The following ZFHX3 variants were observed in gnomAD, a reference collection of about 807,000 sequenced individuals.
ZFHX3 encodes zinc finger homeobox protein 3.
ZFHX3 carries 42 observed loss-of-function variants against 279.1 expected under a neutral mutation model. The observed-to-expected ratio is 0.15, with a 90% CI of 0.12 to 0.19. The LOEUF (loss-of-function observed/expected upper bound fraction) is 0.19. Among genes scored for constraint, ZFHX3 ranks in the 10% least tolerant of loss-of-function variants. ZFHX3 has a pLI of 1.00. For missense variants in ZFHX3, 4,981 were observed against 4,754.0 expected (o/e 1.05, Z -1.40); for synonymous variants, 2,293 against 1,957.8 (o/e 1.17, Z -4.52).
chr16:73,551,261 C>T lies in ZFHX3; in HGVS notation c.-1546-95003G>A, dbSNP rs76663586. Reference sequence around the variant, plus strand: ...AAATGCGAGGGGGTTTTCAAGTGGCCCCCACACTCAAAAACTCAGTTCAAC... The same window carrying T: ...AAATGCGAGGGGGTTTTCAAGTGGCTCCCACACTCAAAAACTCAGTTCAAC... On this transcript the variant is annotated intron_variant, in intron 2 of 17. Coordinates refer to the ZFHX3 transcript ENST00000641206. Among the ~76,000 whole-genome samples the T allele has an allele frequency of 7.0e-4, 107 of 151,886 alleles. 1 individual carries two copies. The highest frequency in any genetic ancestry group is 4.8e-3 in the South Asian group (23 of 4,800).
intron 4 of ZFHX3, among the ~76,000 whole-genome samples, chr16:72,869,891 G>A (rs547348136): frequency 2.6e-5 from 4 of 152,274 alleles, no homozygotes; most frequent in East Asian, 3.9e-4. Context: ...GCTGATGCCC[G>A]CAATCAAGAG....
At chr16:73,414,986 C>A (rs2017543456) in intron 3 of ZFHX3, among the ~76,000 whole-genome samples, 1 of 152,184 alleles carries the variant, frequency 6.6e-6, no homozygotes, top group Non-Finnish European at 1.5e-5. Flanking sequence ...TTTTCCTCAT[C>A]TCTGGATTCT....
intron 2 of ZFHX3, among the ~76,000 whole-genome samples, chr16:73,614,999 A>G (rs2052285293): frequency 6.6e-6 from 1 of 152,032 alleles, no homozygotes; most frequent in Admixed American, 6.6e-5. Context: ...GGCTCAAGCA[A>G]TGCACCCACG....
chr16:73,741,453 A>G (rs1237111983), intron 1 of ZFHX3, among the ~76,000 whole-genome samples: 1 of 152,134 alleles, frequency 6.6e-6, no homozygotes, highest in Non-Finnish European at 1.5e-5. Context: ...AACAGTCTCC[A>G]TAGTTTCCTC....
At chr16:73,580,490 C>T (rs376823557) in intron 2 of ZFHX3, among the ~76,000 whole-genome samples, 1,001 of 87,300 alleles carry the variant, frequency 0.011, 40 homozygotes, top group African/African-American at 0.03. Flanking sequence ...AAAACAAAAA[C>T]AAAAACAAAC....
At chr16:73,759,990 A>G (rs1353813122) in intron 1 of ZFHX3, among the ~76,000 whole-genome samples, 2 of 148,898 alleles carry the variant, frequency 1.3e-5, no homozygotes, top group Non-Finnish European at 3.0e-5. Flanking sequence ...TCTTCAAAAC[A>G]TCAATGAATC....
At chr16:72,970,525 C>T (rs1309771930) in intron 1 of ZFHX3, among the ~76,000 whole-genome samples, 5 of 152,128 alleles carry the variant, frequency 3.3e-5, no homozygotes, top group Non-Finnish European at 7.4e-5. Context: ...GAGCACGGAT[C>T]CCCTCCCGGA....
Position 72,787,220 on chromosome 16 carries a change from TG to T in ZFHX3, c.11055del (p.Ser3686AlafsTer8). On this transcript the variant is annotated frameshift_variant, in exon 10 of 10. Coordinates refer to ENST00000268489, the MANE Select transcript of ZFHX3 (RefSeq NM_006885.4). LOFTEE classifies it high-confidence loss of function. Reference protein sequence around the residue: ...PASPVEGPKDPSCPKDSGLTS... With the variant: ...PASPVEGPKDXSCPKDSGLTS... ...GTCAGACCACTGTCCTTGGGGCAGC[TG>T]GGGTCTTTGGGACCCTCCACCGGGC... The T allele has an allele frequency of 6.2e-7, 1 of 1,614,034 alleles. No homozygotes were observed. The highest frequency in any genetic ancestry group is 8.5e-7 in the Non-Finnish European group (1 of 1,179,974).
At chr16:73,247,545 C>T (rs1460000675) in intron 5 of ZFHX3, among the ~76,000 whole-genome samples, 1 of 146,562 alleles carries the variant, frequency 6.8e-6, no homozygotes, top group Non-Finnish European at 1.5e-5. Context: ...GTGTCTGTGT[C>T]TATGTGCCTG....
intron 1 of ZFHX3, among the ~76,000 whole-genome samples, chr16:72,976,327 C>T (rs1962344927): frequency 6.6e-6 from 1 of 152,162 alleles, no homozygotes; most frequent in African/African-American, 2.4e-5. Flanking sequence ...TTCGGGGAAT[C>T]AAATCTGGAT....
chr16:73,591,361 A>AAAAC (rs564553376), intron 2 of ZFHX3, among the ~76,000 whole-genome samples: 18 of 151,280 alleles, frequency 1.2e-4, no homozygotes, highest in African/African-American at 3.2e-4. Flanking sequence ...TCAAAAACAA[A>AAAAC]AAACAAACAA....
chr16:73,333,932 T>C (rs1368986229), intron 3 of ZFHX3, among the ~76,000 whole-genome samples: 1 of 151,092 alleles, frequency 6.6e-6, no homozygotes, highest in Non-Finnish European at 1.5e-5. Flanking sequence ...CTGCTGCCAA[T>C]GCAGGTGGAA....
intron 1 of ZFHX3, among the ~76,000 whole-genome samples, chr16:73,818,161 G>C (rs746306973): frequency 2.0e-5 from 3 of 152,162 alleles, no homozygotes; most frequent in Admixed American, 6.5e-5. Flanking sequence ...GATGCTGCAA[G>C]CATCACAACA....
At chr16:73,780,229 C>A (rs1287978605) in intron 1 of ZFHX3, among the ~76,000 whole-genome samples, 2 of 142,898 alleles carry the variant, frequency 1.4e-5, no homozygotes, top group Non-Finnish European at 3.0e-5. Context: ...CTCACTGCAA[C>A]CTCCGCCTCC....
intron 3 of ZFHX3, among the ~76,000 whole-genome samples, chr16:72,906,359 G>A (rs1374243341): frequency 2.0e-5 from 3 of 152,042 alleles, no homozygotes; most frequent in Non-Finnish European, 4.4e-5. Flanking sequence ...GGAAGAAGCC[G>A]TGGTCGATGA....
At chr16:73,138,959 G>C (rs1044668771) in intron 6 of ZFHX3, among the ~76,000 whole-genome samples, 1 of 152,186 alleles carries the variant, frequency 6.6e-6, no homozygotes, top group Admixed American at 6.5e-5. Context: ...CCAAAGGGCT[G>C]GGATTACTGG....
chr16:72,826,354 T>C (rs2036927832), intron 5 of ZFHX3, among the ~76,000 whole-genome samples: 1 of 152,184 alleles, frequency 6.6e-6, no homozygotes, highest in Non-Finnish European at 1.5e-5. Flanking sequence ...TCTGAAATAT[T>C]ATTAATCTGC....
chr16:73,739,362 T>C (rs1248495017), intron 1 of ZFHX3, among the ~76,000 whole-genome samples: 1 of 152,224 alleles, frequency 6.6e-6, no homozygotes, highest in East Asian at 1.9e-4. Context: ...TTATTCTTTG[T>C]CGTGGGGACT....
intron 4 of ZFHX3, among the ~76,000 whole-genome samples, chr16:72,838,256 C>A (rs370341087): frequency 2.6e-5 from 4 of 152,142 alleles, no homozygotes; most frequent in Non-Finnish European, 4.4e-5. Context: ...ACCATTTATG[C>A]TTTTGTATAT....
Sources: gnomAD v4.1 joint callset for allele counts (sites outside exome capture counted in the v4.1 genomes callset) on GRCh38, gnomAD v4.1.1 for gene constraint, MANE v1.5 for transcripts, NCBI Gene and HGNC (gene_info 2026-07-23, HGNC 2026-07-21) for gene names.